KIRREL3: variants seen among roughly 807,000 people sequenced by gnomAD.
KIRREL3 encodes the protein kin of IRRE-like protein 3.
In KIRREL3, 36 loss-of-function variants were observed where a neutral mutation model predicts 89.7. The ratio of observed to expected loss-of-function variants is 0.40; its 90% CI spans 0.31 to 0.53. KIRREL3 has a LOEUF of 0.53. Among genes scored for constraint, KIRREL3 ranks in the 20% least tolerant of loss-of-function variants. KIRREL3 has a pLI of 0.49. For synonymous variants in KIRREL3, 445 were observed against 441.4 expected (o/e 1.01, Z -0.10); for missense variants, 864 against 1,056.6 (o/e 0.82, Z 2.53).
rs1169423292 is a variant in KIRREL3 at position 126,651,719 on chromosome 11, C to CT, written c.56-88808dup. On this transcript the variant is annotated intron_variant, in intron 1 of 16. Transcript: ENST00000525144. This position sits in a 1 kb window ranked among gnomAD's most constrained non-coding sequence, Gnocchi z 4.6. ...ATTCATGTGCCATTTGTTTTCATTC[C>CT]TTTTTTATAATAAGCTAATTAGTTT... Among the ~76,000 whole-genome samples, 23 of 152,030 alleles carry CT rather than the reference C, an allele frequency of 1.5e-4. No individual in the cohort carries two copies. The highest frequency in any genetic ancestry group is 2.5e-4 in the Non-Finnish European group (17 of 68,014).
rs949289019 is a variant in KIRREL3, at chr11:126,628,764, C to G, written c.56-65852G>C. 2.0e-5 allele frequency among the ~76,000 whole-genome samples: 3 copies of G among 152,312 alleles called. No homozygotes were observed. The highest frequency in any genetic ancestry group is 7.2e-5 in the African/African-American group (3 of 41,568). ...TTCCTATTCATCAGATTTCCTGGAG[C>G]CCAGCCTGCTACCTGGAGCCAGGGC... On this transcript the variant is annotated intron_variant, in intron 1 of 16. Transcript: ENST00000525144. This position sits in a 1 kb window ranked among gnomAD's most constrained non-coding sequence, Gnocchi z 5.2.
In KIRREL3 at chr11:126,723,340, G is replaced by A. The variant is rs1948253498; in HGVS notation, c.56-160428C>T. ...GAACAGTGCTGAGCCAGAGAACACA[G>A]CATTAGTGGGAGCTGTGGAGAGGAG... is the stretch of plus-strand genomic sequence containing the variant. On this transcript the variant is annotated intron_variant, in intron 1 of 16. Transcript: ENST00000525144. The surrounding 1 kb of genome is among the most constrained non-coding windows in gnomAD (Gnocchi z 4.0). Among the ~76,000 whole-genome samples, 1 of 152,202 alleles carries A rather than the reference G, an allele frequency of 6.6e-6. No individual in the cohort carries two copies. The highest frequency in any genetic ancestry group is 1.5e-5 in the Non-Finnish European group (1 of 68,034).
At chr11:126,439,495 C>CA (rs398115940) in intron 11 of KIRREL3, among the ~76,000 whole-genome samples, 1 of 149,986 alleles carries the variant, frequency 6.7e-6, no homozygotes, top group Non-Finnish European at 1.5e-5. Context: ...CATGAGGCTC[C>CA]TGCTCAGTAA....
rs763633592 is a variant in KIRREL3 at position 126,795,665 on chromosome 11, T to A, written c.55+204790A>T. Among the ~76,000 whole-genome samples the A allele has an allele frequency of 2.0e-5, 3 of 152,126 alleles. No homozygotes were observed. The highest frequency in any genetic ancestry group is 2.9e-5 in the Non-Finnish European group (2 of 68,020). On this transcript the variant is annotated intron_variant, in intron 1 of 16. Transcript: ENST00000525144. The surrounding 1 kb of genome is among the most constrained non-coding windows in gnomAD (Gnocchi z 4.1). ...TCCCCAAGTGCCAGGATTACAGGAG[T>A]GAGCCACTGTGCCTGGCCAGAAATA... is the stretch of plus-strand genomic sequence containing the variant.
At chr11:126,956,277 G>C (rs1948919557) in intron 1 of KIRREL3, among the ~76,000 whole-genome samples, 1 of 152,172 alleles carries the variant, frequency 6.6e-6, no homozygotes, top group South Asian at 2.1e-4. Flanking sequence ...TTTTCCTAGA[G>C]ACTCCGCTCA....
chr11:126,627,251 G>C lies in KIRREL3; in HGVS notation c.56-64339C>G, dbSNP rs897122531. On this transcript the variant is annotated intron_variant, in intron 1 of 16. Coordinates refer to ENST00000525144, the MANE Select transcript of KIRREL3 (RefSeq NM_032531.4). The surrounding 1 kb of genome is among the most constrained non-coding windows in gnomAD (Gnocchi z 5.0). ...GAGTGTGAAAGGGACCTATTTGGGA[G>C]AGGTGGCTGTAGGATGCTGAGGATT... Among the ~76,000 whole-genome samples, 11 of 152,238 alleles carry C rather than the reference G, an allele frequency of 7.2e-5. No homozygotes were observed. Among genetic ancestry groups the C allele is most frequent in the African/African-American group, 2.7e-4 (11 of 41,458 alleles).
At chr11:126,735,277 G>C (rs1213178350) in intron 1 of KIRREL3, among the ~76,000 whole-genome samples, 1 of 152,212 alleles carries the variant, frequency 6.6e-6, no homozygotes, top group Non-Finnish European at 1.5e-5. Flanking sequence ...GTCTGAACGT[G>C]AATCCACGTT....
Position 126,995,482 on chromosome 11 carries a change from A to G in KIRREL3, c.55+4973T>C. 1 of 372,942 alleles carries G rather than the reference A, an allele frequency of 2.7e-6. No homozygotes were observed. The highest frequency in any genetic ancestry group is 5.3e-6 in the Non-Finnish European group (1 of 190,154). The allele number at this position is 372,942 out of a possible 1,614,324, so 23.1% of individuals were successfully genotyped here. A position where few individuals can be genotyped will look rare whatever the true frequency, so the allele number is the denominator to read the frequency against. On this transcript the variant is annotated intron_variant, in intron 1 of 16. Coordinates refer to ENST00000525144, the MANE Select transcript of KIRREL3 (RefSeq NM_032531.4). The surrounding 1 kb of genome is among the most constrained non-coding windows in gnomAD (Gnocchi z 6.5). ...TTTTTCACCTAAGGTCATCTCGACAATTTACAAGGATAAGGATTGTAGCTG... is the reference window on the plus strand; with the variant it reads ...TTTTTCACCTAAGGTCATCTCGACAGTTTACAAGGATAAGGATTGTAGCTG...
chr11:126,646,057 A>C (rs1229471330), intron 1 of KIRREL3, among the ~76,000 whole-genome samples: 1 of 152,140 alleles, frequency 6.6e-6, no homozygotes, highest in Non-Finnish European at 1.5e-5. Flanking sequence ...TCTTTTATTA[A>C]AATAATAATA....
intron 1 of KIRREL3, among the ~76,000 whole-genome samples, chr11:126,603,397 C>T (rs79204456): frequency 0.011 from 1,662 of 152,308 alleles, 17 homozygotes; most frequent in Non-Finnish European, 0.017. Flanking sequence ...GCCTGGGAGC[C>T]TCAGGAATGA....
chr11:126,861,162 C>T (rs1278852738), intron 1 of KIRREL3, among the ~76,000 whole-genome samples: 1 of 152,158 alleles, frequency 6.6e-6, no homozygotes, highest in Non-Finnish European at 1.5e-5. Context: ...AATTAATTTA[C>T]CTCTTTGAAG....
chr11:126,868,926 A>T (rs1003778286), intron 1 of KIRREL3, among the ~76,000 whole-genome samples: 2 of 152,094 alleles, frequency 1.3e-5, no homozygotes, highest in African/African-American at 4.8e-5. Context: ...TGGAGGGGCA[A>T]GAGAGCTCCC....
Position 126,768,156 on chromosome 11 carries a change from C to T in KIRREL3, c.56-205244G>A, listed in dbSNP as rs920916578. On this transcript the variant is annotated intron_variant, in intron 1 of 16. Transcript: ENST00000525144. This position sits in a 1 kb window ranked among gnomAD's most constrained non-coding sequence, Gnocchi z 4.5. ...TCTATCCATCCATCCATCCATCCAT[C>T]CATCCATCCATCCAATCCATCCATC... Among the ~76,000 whole-genome samples, 6 of 131,332 alleles carry T rather than the reference C, an allele frequency of 4.6e-5. No homozygotes were observed. The highest frequency in any genetic ancestry group is 7.8e-5 in the Non-Finnish European group (5 of 64,516). 86.2% of individuals were successfully genotyped at this position (131,332 alleles called of 152,430 possible).
chr11:126,482,087 G>A (rs1957233686), intron 4 of KIRREL3, among the ~76,000 whole-genome samples: 1 of 152,210 alleles, frequency 6.6e-6, no homozygotes, highest in Admixed American at 6.5e-5. Context: ...TGCCCAGGCT[G>A]GAGTGCAATG....
chr11:126,504,618 T>C (rs1220123787), intron 4 of KIRREL3, among the ~76,000 whole-genome samples: 1 of 152,194 alleles, frequency 6.6e-6, no homozygotes, highest in Non-Finnish European at 1.5e-5. Context: ...TGAAATCTTC[T>C]AGAAAATAGA....
rs61088374 is a variant in KIRREL3 at position 126,610,103 on chromosome 11, T to G, written c.56-47191A>C. Among the ~76,000 whole-genome samples, 19,056 of 152,156 alleles carry G rather than the reference T, an allele frequency of 0.13. 1,352 individuals carry two copies. Among genetic ancestry groups the G allele is most frequent in the East Asian group, 0.33 (1,694 of 5,166 alleles). On this transcript the variant is annotated intron_variant, in intron 1 of 16. Coordinates refer to ENST00000525144, the MANE Select transcript of KIRREL3 (RefSeq NM_032531.4). This position sits in a 1 kb window ranked among gnomAD's most constrained non-coding sequence, Gnocchi z 4.6. Reference sequence around the variant, plus strand: ...CAAAATCTGTGCTGTTAACTTTTTTTTTTTTGAGACAGAATTTTGCCCTTT... The same window carrying G: ...CAAAATCTGTGCTGTTAACTTTTTTGTTTTTGAGACAGAATTTTGCCCTTT...
intron 1 of KIRREL3, among the ~76,000 whole-genome samples, chr11:126,597,626 G>A (rs1287071919): frequency 6.6e-6 from 1 of 152,158 alleles, no homozygotes; most frequent in Non-Finnish European, 1.5e-5. Flanking sequence ...CGGTCTCAAA[G>A]GGCAAGTGGT....
At position 126,985,447 on chromosome 11, in the gene KIRREL3, T is replaced by C. The variant is rs1371514936; in HGVS notation, c.55+15008A>G. 6.6e-6 allele frequency among the ~76,000 whole-genome samples: 1 copy of C among 152,106 alleles called. No homozygotes were observed. The highest frequency in any genetic ancestry group is 2.4e-5 in the African/African-American group (1 of 41,406). Reference sequence around the variant, plus strand: ...AATCATAGTAAGAGCCACAAAAGGCTTCCTGGGGCGCTGTGGAATAAGGAA... The same window carrying C: ...AATCATAGTAAGAGCCACAAAAGGCCTCCTGGGGCGCTGTGGAATAAGGAA... On this transcript the variant is annotated intron_variant, in intron 1 of 16. Coordinates refer to ENST00000525144, the MANE Select transcript of KIRREL3 (RefSeq NM_032531.4). This position sits in a 1 kb window ranked among gnomAD's most constrained non-coding sequence, Gnocchi z 5.3.
intron 1 of KIRREL3, among the ~76,000 whole-genome samples, chr11:126,826,547 CG>C (rs756039714): frequency 1.0e-3 from 157 of 152,284 alleles, no homozygotes; most frequent in Middle Eastern, 3.4e-3. Flanking sequence ...GACTTCCTCT[CG>C]GCCTGCTTTG....
Sources: gnomAD v4.1 joint callset for allele counts (sites outside exome capture counted in the v4.1 genomes callset) on GRCh38, gnomAD v4.1.1 for gene constraint, Gnocchi (gnomAD v3.1) non-coding constraint, MANE v1.5 for transcripts, NCBI Gene and HGNC (gene_info 2026-07-23, HGNC 2026-07-21) for gene names.